The following RORA variants were observed in gnomAD, a reference collection of about 807,000 sequenced individuals.
RORA encodes nuclear receptor ROR-alpha.
RORA carries 7 observed loss-of-function variants against 69.5 expected under a neutral mutation model. The observed-to-expected ratio is 0.10, with a 90% CI of 0.06 to 0.19. The LOEUF is 0.19. Among genes scored for constraint, RORA ranks in the 10% least tolerant of loss-of-function variants. The pLI is 1.00. For synonymous variants in RORA, 261 were observed against 240.8 expected, an observed-to-expected ratio of 1.08 and a Z score of -0.78; for missense variants, 457 against 663.0, an observed-to-expected ratio of 0.69 and a Z score of 3.41.
chr15:60,936,814 G>A (rs1283032772), intron 1 of RORA, among the ~76,000 whole-genome samples: 1 of 152,198 alleles, frequency 6.6e-6, no homozygotes, highest in Non-Finnish European at 1.5e-5. Context: ...TTTGTTAGGG[G>A]CAGAGGAGAA....
chr15:61,006,153 G>C (rs908615759), intron 1 of RORA, among the ~76,000 whole-genome samples: 1 of 151,978 alleles, frequency 6.6e-6, no homozygotes, highest in Non-Finnish European at 1.5e-5. Flanking sequence ...ATTTTTAGTA[G>C]AGACGGGATT....
At chr15:61,152,854 A>G (rs1322187472) in intron 1 of RORA, among the ~76,000 whole-genome samples, 3 of 152,196 alleles carry the variant, frequency 2.0e-5, no homozygotes, top group Non-Finnish European at 4.4e-5. Context: ...CCTACAGAAT[A>G]ATGCAGGTCT....
chr15:60,502,709 T>C (rs2065370097), intron 8 of RORA, 51 bp downstream of exon 8: 2 of 1,137,460 alleles, frequency 1.8e-6, no homozygotes, highest in East Asian at 4.7e-5. Context: ...TCAACCCGCA[T>C]CTTTTCCTAT....
intron 1 of RORA, among the ~76,000 whole-genome samples, chr15:61,156,567 A>T (rs1390213906): frequency 6.6e-6 from 1 of 152,174 alleles, no homozygotes; most frequent in East Asian, 1.9e-4. Flanking sequence ...GGGAGTGAAA[A>T]GCAAACAGGA....
At chr15:60,516,652 G>T (rs974726555) in intron 3 of RORA, among the ~76,000 whole-genome samples, 1 of 152,034 alleles carries the variant, frequency 6.6e-6, no homozygotes, top group Non-Finnish European at 1.5e-5. Context: ...GATTTTTCTG[G>T]AGGTCAATTT....
At chr15:60,597,595 C>T (rs7173658) in intron 2 of RORA, among the ~76,000 whole-genome samples, 7,172 of 30,020 alleles carry the variant, frequency 0.24, 1,525 homozygotes, top group South Asian at 0.44. Flanking sequence ...TATATATATA[C>T]ACATATATAT....
At chr15:60,910,904 G>GTTTT (rs35069957) in intron 1 of RORA, among the ~76,000 whole-genome samples, 3 of 125,196 alleles carry the variant, frequency 2.4e-5, no homozygotes, top group Non-Finnish European at 3.3e-5. Flanking sequence ...TGTTTTTTGG[G>GTTTT]TTTTTTTTTT....
At chr15:60,949,088 C>T (rs1049400833) in intron 1 of RORA, among the ~76,000 whole-genome samples, 1 of 152,150 alleles carries the variant, frequency 6.6e-6, no homozygotes, top group African/African-American at 2.4e-5. Flanking sequence ...TAGTGGTGTC[C>T]AGTCCTGCAT....
intron 1 of RORA, among the ~76,000 whole-genome samples, chr15:61,198,105 T>G (rs2079861488): frequency 6.6e-6 from 1 of 152,030 alleles, no homozygotes; most frequent in African/African-American, 2.4e-5. Flanking sequence ...GGCGCAGGAT[T>G]TAAGGGGATC....
At chr15:60,769,532 T>C (rs1282122378) in intron 1 of RORA, among the ~76,000 whole-genome samples, 1 of 152,166 alleles carries the variant, frequency 6.6e-6, no homozygotes, top group Non-Finnish European at 1.5e-5. Flanking sequence ...CTTAGACTAA[T>C]AAAATAAACC....
intron 1 of RORA, among the ~76,000 whole-genome samples, chr15:60,966,680 A>G (rs764861364): frequency 2.0e-5 from 3 of 152,206 alleles, no homozygotes; most frequent in Non-Finnish European, 4.4e-5. Flanking sequence ...CTTTCACTGT[A>G]AGAGAGAATG....
At chr15:60,883,533 C>T (rs2073715798) in intron 1 of RORA, among the ~76,000 whole-genome samples, 1 of 152,104 alleles carries the variant, frequency 6.6e-6, no homozygotes, top group Non-Finnish European at 1.5e-5. Context: ...AGGGATCTTG[C>T]CTTTTCAATT....
chr15:61,141,569 C>T (rs1194949510), intron 1 of RORA, among the ~76,000 whole-genome samples: 1 of 152,118 alleles, frequency 6.6e-6, no homozygotes, highest in Admixed American at 6.5e-5. Context: ...GGAGAAGAAA[C>T]CTCAGAAAGA....
At chr15:60,852,392 T>C (rs2073336375) in intron 1 of RORA, among the ~76,000 whole-genome samples, 1 of 152,194 alleles carries the variant, frequency 6.6e-6, no homozygotes, top group African/African-American at 2.4e-5. Context: ...AAGTTTGTAA[T>C]GTTCACAGTG....
chr15:60,974,797 C>T (rs569190276), intron 1 of RORA, among the ~76,000 whole-genome samples: 2 of 152,174 alleles, frequency 1.3e-5, no homozygotes, highest in Non-Finnish European at 2.9e-5. Context: ...AGGGGACCAC[C>T]GTATCAGGTA....
chr15:60,516,711 T>C (rs1173189316), intron 3 of RORA, among the ~76,000 whole-genome samples: 1 of 152,096 alleles, frequency 6.6e-6, no homozygotes, highest in Non-Finnish European at 1.5e-5. Flanking sequence ...GAGCTAGGCT[T>C]TTAAGGAATA....
At chr15:61,167,524 T>C (rs1378479731) in intron 1 of RORA, among the ~76,000 whole-genome samples, 1 of 109,388 alleles carries the variant, frequency 9.1e-6, no homozygotes, top group Non-Finnish European at 1.8e-5. Flanking sequence ...TTTTTTTTTA[T>C]GAAGAAATTT....
chr15:61,193,922 C>T (rs1217768815), intron 1 of RORA: 3 of 152,102 alleles, frequency 2.0e-5, no homozygotes, highest in South Asian at 4.1e-4. Flanking sequence ...TTAACGCGGC[C>T]CCTTTTTCAA....
At chr15:60,999,045 TAC>T (rs1327519334) in intron 1 of RORA, among the ~76,000 whole-genome samples, 2 of 152,138 alleles carry the variant, frequency 1.3e-5, no homozygotes, top group Non-Finnish European at 2.9e-5. Context: ...TGGATTCTGC[TAC>T]AGTCACAGCA....
Sources: allele counts gnomAD v4.1 joint callset (sites outside exome capture counted in the v4.1 genomes callset), GRCh38; gene constraint gnomAD v4.1.1; transcripts MANE v1.5; gene names NCBI Gene and HGNC (gene_info 2026-07-23, HGNC 2026-07-21).